Variants in UVRAG observed in about 807,000 individuals in gnomAD.
UVRAG encodes UV radiation resistance associated.
UVRAG carries 19 observed loss-of-function variants against 78.0 expected under a neutral mutation model. The observed-to-expected ratio is 0.24, with a 90% CI of 0.17 to 0.36. The LOEUF is 0.36. Ranked by LOEUF, UVRAG falls within the 10% of genes least tolerant of loss-of-function variation. The probability of loss-of-function intolerance (pLI) is 1.00; values close to 1 mark genes in which losing one functional copy is unlikely to be tolerated. For missense variants in UVRAG, 740 were observed against 853.8 expected (o/e 0.87, Z 1.66); for synonymous variants, 323 against 324.6 (o/e 1.00, Z 0.05).
At chr11:75,846,210 G>C (rs957988998) in intron 1 of UVRAG, among the ~76,000 whole-genome samples, 5 of 152,152 alleles carry the variant, frequency 3.3e-5, no homozygotes, top group Non-Finnish European at 7.3e-5. Flanking sequence ...TGAAGGATGA[G>C]CCTTGAGGAT....
At chr11:76,039,576 G>T (rs374035099) in intron 12 of UVRAG, among the ~76,000 whole-genome samples, 27 of 152,284 alleles carry the variant, frequency 1.8e-4, no homozygotes, top group East Asian at 1.2e-3. Flanking sequence ...TAGCAATATG[G>T]TTAATAAAAA....
chr11:76,072,491 A>G (rs937102022), intron 13 of UVRAG, among the ~76,000 whole-genome samples: 1 of 152,274 alleles, frequency 6.6e-6, no homozygotes, highest in East Asian at 1.9e-4. Flanking sequence ...CACTTATCCC[A>G]AATTGCCTTT....
rs1475899334 is a variant in UVRAG at position 76,008,819 on chromosome 11, G to C, written c.1012G>C (p.Asp338His). 1 of 1,475,938 alleles carries C rather than the reference G, an allele frequency of 6.8e-7. No individual in the cohort carries two copies. The highest frequency in any genetic ancestry group is 1.4e-5 in the African/African-American group (1 of 71,258). 91.4% of individuals were successfully genotyped at this position (1,475,938 alleles called of 1,614,324 possible). Residue 338 changes from aspartate (D) to histidine (H), a missense_variant, in exon 11 of 15, where the codon GAT becomes CAT. Coordinates refer to ENST00000356136, the MANE Select transcript of UVRAG (RefSeq NM_003369.4). ...ATTAAATTCACAGAATGAACATAAGGATTACTTTGTATGCGGTGTCAAGTT... is the reference window on the plus strand; with the variant it reads ...ATTAAATTCACAGAATGAACATAAGCATTACTTTGTATGCGGTGTCAAGTT... ...IYPIDLNEHK[D>H]YFVCGVKLPN...
At chr11:76,088,058 C>T (rs1489392494) in intron 13 of UVRAG, among the ~76,000 whole-genome samples, 1 of 152,204 alleles carries the variant, frequency 6.6e-6, no homozygotes, top group African/African-American at 2.4e-5. Context: ...TATGCCACCA[C>T]ACCTGGCTGA....
chr11:75,992,617 A>G (rs1272797690), intron 8 of UVRAG, among the ~76,000 whole-genome samples: 1 of 152,158 alleles, frequency 6.6e-6, no homozygotes, highest in Non-Finnish European at 1.5e-5. Flanking sequence ...ACAGATAACC[A>G]CATTTATTTA....
At chr11:76,137,403 G>A (rs1409525646) in intron 14 of UVRAG, 1 of 456,212 alleles carries the variant, frequency 2.2e-6, no homozygotes, top group Admixed American at 2.3e-5. Flanking sequence ...CATATCAGTG[G>A]CCCAGAGGCA....
chr11:75,874,858 C>T (rs1946731905), intron 3 of UVRAG, among the ~76,000 whole-genome samples: 1 of 152,200 alleles, frequency 6.6e-6, no homozygotes, highest in South Asian at 2.1e-4. Flanking sequence ...ACTTTCCTCT[C>T]TACCACTCTG....
At position 75,858,709 on chromosome 11, in the gene UVRAG, A is replaced by G. The variant is rs1360245262; in HGVS notation, c.236-3037A>G. On this transcript the variant is annotated intron_variant, in intron 2 of 14. Transcript: ENST00000356136. ...AATTGCCCTCCGTGGGAGTTGTTTT[A>G]TGTGTGAGTGCTTTTCTCCCCACAG... is the stretch of plus-strand genomic sequence containing the variant. 2.6e-5 allele frequency among the ~76,000 whole-genome samples: 4 copies of G among 152,306 alleles called. No individual in the cohort carries two copies. In the East Asian group the frequency reaches 7.7e-4, roughly 29 times the overall value.
intron 5 of UVRAG, among the ~76,000 whole-genome samples, chr11:75,898,754 G>A (rs553249781): frequency 6.6e-6 from 1 of 152,076 alleles, no homozygotes; most frequent in Non-Finnish European, 1.5e-5. Context: ...AGCGTCTTAG[G>A]GGGGCAAGTA....
At chr11:76,130,467 C>G (rs1164617582) in intron 14 of UVRAG, among the ~76,000 whole-genome samples, 1 of 152,190 alleles carries the variant, frequency 6.6e-6, no homozygotes, top group East Asian at 1.9e-4. Context: ...GTTTTATACT[C>G]TGCCTCCTTT....
At chr11:75,974,667 A>G (rs1042711652) in intron 7 of UVRAG, among the ~76,000 whole-genome samples, 26 of 151,926 alleles carry the variant, frequency 1.7e-4, no homozygotes, top group South Asian at 4.1e-4. Context: ...CGCCCGGCCA[A>G]ATGTCTTCTT....
intron 1 of UVRAG, among the ~76,000 whole-genome samples, chr11:75,821,855 G>A (rs930267790): frequency 6.6e-6 from 1 of 151,984 alleles, no homozygotes; most frequent in African/African-American, 2.4e-5. Flanking sequence ...GATTAGACTA[G>A]GGTGGTGGTG....
intron 1 of UVRAG, among the ~76,000 whole-genome samples, chr11:75,822,034 T>A (rs1945402726): frequency 6.9e-6 from 1 of 145,444 alleles, no homozygotes; most frequent in Non-Finnish European, 1.5e-5. Context: ...AACCTCTACC[T>A]CTCAGGTTCA....
At chr11:76,020,649 C>CTTTTTTTTTTTTTTTTTTTTT (rs35112254) in intron 12 of UVRAG, among the ~76,000 whole-genome samples, 1 of 52,248 alleles carries the variant, frequency 1.9e-5, no homozygotes, top group African/African-American at 7.5e-5. Flanking sequence ...AAGAAGGAGT[C>CTTTTTTTTTTTTTTTTTTTTT]TTTTTTTTTT....
intron 7 of UVRAG, among the ~76,000 whole-genome samples, chr11:75,983,028 T>C (rs1157202353): frequency 6.6e-6 from 1 of 152,112 alleles, no homozygotes; most frequent in Non-Finnish European, 1.5e-5. Flanking sequence ...TACCTAGAAG[T>C]GGAATTTCTG....
At chr11:76,010,214 A>C (rs1319116995) in intron 11 of UVRAG, among the ~76,000 whole-genome samples, 3 of 152,218 alleles carry the variant, frequency 2.0e-5, no homozygotes, top group African/African-American at 7.2e-5. Context: ...GTCCCGTACC[A>C]GTTTCCTGGG....
In UVRAG at chr11:76,053,344, A is replaced by ACACACACACACAC. The variant is rs60133924; in HGVS notation, c.1227-12366_1227-12365insCACACACACACAC. On this transcript the variant is annotated intron_variant, in intron 12 of 14. Coordinates refer to ENST00000356136, the MANE Select transcript of UVRAG (RefSeq NM_003369.4). ...ACACACACACACACACACACACACA[A>ACACACACACACAC]AAATAAATATGCACCTGCTCCTTCT... Among the ~76,000 whole-genome samples the ACACACACACACAC allele has an allele frequency of 8.9e-3, 1,262 of 142,364 alleles. 15 individuals are homozygous for ACACACACACACAC. The highest frequency in any genetic ancestry group is 0.022 in the African/African-American group (825 of 36,844). 93.4% of individuals were successfully genotyped at this position (142,364 alleles called of 152,430 possible).
At chr11:75,974,024 ATG>A (rs1430591424) in intron 7 of UVRAG, among the ~76,000 whole-genome samples, 4 of 152,222 alleles carry the variant, frequency 2.6e-5, no homozygotes, top group Non-Finnish European at 5.9e-5. Context: ...ATATGTGTGC[ATG>A]TGTCTTTATA....
At chr11:75,836,292 G>A (rs910149759) in intron 1 of UVRAG, among the ~76,000 whole-genome samples, 1 of 152,230 alleles carries the variant, frequency 6.6e-6, no homozygotes, top group Admixed American at 6.5e-5. Context: ...AATTCATATA[G>A]ACATTTTAAG....
Sources: gnomAD v4.1 joint callset for allele counts (sites outside exome capture counted in the v4.1 genomes callset) on GRCh38, gnomAD v4.1.1 for gene constraint, MANE v1.5 for transcripts, NCBI Gene and HGNC (gene_info 2026-07-23, HGNC 2026-07-21) for gene names.